The following TTC39C variants were observed in gnomAD, a reference collection of about 807,000 sequenced individuals.
The protein encoded by TTC39C is tetratricopeptide repeat protein 39C.
In TTC39C, 33 loss-of-function variants were observed where a neutral mutation model predicts 76.3. The observed-to-expected ratio is 0.43, with a 90% confidence interval of 0.33 to 0.58. TTC39C has a LOEUF of 0.58. Among genes scored for constraint, TTC39C ranks in the 20% least tolerant of loss-of-function variants. The pLI is 0.04. For missense variants in TTC39C, 595 were observed against 701.4 expected (o/e 0.85, Z 1.71); for synonymous variants, 254 against 260.6 (o/e 0.97, Z 0.24).
At chr18:24,060,281 G>A (rs963179621) in intron 1 of TTC39C, among the ~76,000 whole-genome samples, 2 of 150,304 alleles carry the variant, frequency 1.3e-5, no homozygotes, top group East Asian at 3.9e-4. Context: ...GGTGTGAGAC[G>A]GTACCTTATT....
chr18:24,038,529 C>T (rs577006451), intron 1 of TTC39C, among the ~76,000 whole-genome samples: 4 of 152,226 alleles, frequency 2.6e-5, no homozygotes, highest in South Asian at 4.2e-4. Context: ...GCAATCCGTC[C>T]GCCTTGGCCT....
At chr18:24,060,172 A>G (rs1001330057) in intron 1 of TTC39C, among the ~76,000 whole-genome samples, 15 of 152,120 alleles carry the variant, frequency 9.9e-5, no homozygotes, top group African/African-American at 3.6e-4. Flanking sequence ...TGGTTGAACT[A>G]ATTCATACTC....
Position 24,118,161 on chromosome 18 carries a change from C to T in TTC39C, c.1115C>T (p.Ala372Val). 2 of 1,613,936 alleles carry T rather than the reference C, an allele frequency of 1.2e-6. No homozygotes were observed. The highest frequency in any genetic ancestry group is 1.7e-6 in the Non-Finnish European group (2 of 1,179,924). The change falls in exon 8 of 14, where the codon GCA becomes GTA. Residue 372 changes from alanine (A) to valine (V), a missense_variant. Coordinates refer to ENST00000317571, the MANE Select transcript of TTC39C (RefSeq NM_001135993.2). ...ATGATAGAGCTCAATTTCAAGGATG[C>T]ATTTGATTCCTTTGAGAGGCTAAAA... Reference protein sequence around the residue: ...CSMIELNFKDAFDSFERLKNE... With the variant: ...CSMIELNFKDVFDSFERLKNE...
At chr18:24,127,354 C>T (rs547296527) in intron 10 of TTC39C, among the ~76,000 whole-genome samples, 1 of 152,240 alleles carries the variant, frequency 6.6e-6, no homozygotes, top group South Asian at 2.1e-4. Context: ...TCGTGCCCTC[C>T]CAGTTTTGTG....
At chr18:24,127,350 C>T (rs927066518) in intron 10 of TTC39C, among the ~76,000 whole-genome samples, 2 of 152,122 alleles carry the variant, frequency 1.3e-5, no homozygotes, top group African/African-American at 2.4e-5. Context: ...TGCATCGTGC[C>T]CTCCCAGTTT....
At chr18:24,051,492 C>T (rs1322142519) in intron 1 of TTC39C, among the ~76,000 whole-genome samples, 1 of 152,184 alleles carries the variant, frequency 6.6e-6, no homozygotes, top group Non-Finnish European at 1.5e-5. Flanking sequence ...TGGCTACAGA[C>T]TCCCATACTC....
chr18:23,997,888 A>G (rs1324029004), intron 1 of TTC39C, among the ~76,000 whole-genome samples: 1 of 151,998 alleles, frequency 6.6e-6, no homozygotes, highest in African/African-American at 2.4e-5. Flanking sequence ...AAGAAAAAAA[A>G]AAAAAGAAAA....
intron 1 of TTC39C, among the ~76,000 whole-genome samples, chr18:24,030,254 A>G (rs939533370): frequency 1.3e-5 from 2 of 152,184 alleles, no homozygotes; most frequent in African/African-American, 2.4e-5. Context: ...TGAATTGCCT[A>G]TTTATTTGTA....
intron 1 of TTC39C, among the ~76,000 whole-genome samples, chr18:24,004,992 C>T (rs558555410): frequency 1.3e-3 from 196 of 152,306 alleles, no homozygotes; most frequent in Middle Eastern, 3.4e-3. Flanking sequence ...AATGTATTTT[C>T]ATGCCTTCAA....
upstream of TTC39C, among the ~76,000 whole-genome samples, chr18:24,011,231 C>G (rs2083391624): frequency 6.6e-6 from 1 of 152,198 alleles, no homozygotes; most frequent in East Asian, 1.9e-4. Context: ...GGAGCAGACC[C>G]TGACTGGCAT....
intron 1 of TTC39C, among the ~76,000 whole-genome samples, chr18:23,999,769 G>T (rs888839298): frequency 1.3e-5 from 2 of 152,250 alleles, no homozygotes; most frequent in African/African-American, 4.8e-5. Flanking sequence ...TCCCCACTGA[G>T]CAAGCAGCCA....
At chr18:24,102,875 G>A (rs1191606448) in intron 6 of TTC39C, among the ~76,000 whole-genome samples, 2 of 152,212 alleles carry the variant, frequency 1.3e-5, no homozygotes, top group Admixed American at 1.3e-4. Context: ...GGGAGGCCAA[G>A]GTGGGAGGAC....
At chr18:24,005,671 C>T (rs1309086012) in intron 1 of TTC39C, among the ~76,000 whole-genome samples, 2 of 150,484 alleles carry the variant, frequency 1.3e-5, no homozygotes, top group Non-Finnish European at 1.5e-5. Context: ...CAAAGCGAGA[C>T]CCTGTCTCTA....
At chr18:23,993,131 T>C (rs2145618088) in intron 1 of TTC39C, 1 of 152,340 alleles carries the variant, frequency 6.6e-6, no homozygotes, top group South Asian at 2.1e-4. Context: ...ACTGGCTAAG[T>C]TCATCTTTGA....
At chr18:24,107,852 C>A (rs543965007) in intron 6 of TTC39C, among the ~76,000 whole-genome samples, 4 of 151,520 alleles carry the variant, frequency 2.6e-5, no homozygotes. Flanking sequence ...CTCGACCTCC[C>A]GGCTCAAGCA....
At chr18:24,039,654 G>A (rs890848581) in intron 1 of TTC39C, among the ~76,000 whole-genome samples, 5 of 152,214 alleles carry the variant, frequency 3.3e-5, no homozygotes, top group Admixed American at 1.3e-4. Flanking sequence ...TTTAAGCAGA[G>A]GAGTGACATG....
intron 1 of TTC39C, among the ~76,000 whole-genome samples, chr18:24,027,939 C>T (rs991538195): frequency 1.3e-5 from 2 of 152,114 alleles, no homozygotes; most frequent in Non-Finnish European, 2.9e-5. Flanking sequence ...AATTGGGCTA[C>T]TGACTTTTTT....
rs1011335728 is a variant in TTC39C, at chr18:24,058,503, A to T, written c.168-5637A>T. Among the ~76,000 whole-genome samples the T allele has an allele frequency of 2.6e-5, 4 of 152,100 alleles. 1 individual carries two copies. The South Asian group carries it at 8.3e-4, about 32-fold the overall frequency. ...AACCCCATCTCTACTAAAAATACAA[A>T]AATTAGCCGGGTGTGGTGGCATGAA... On this transcript the variant is annotated intron_variant, in intron 1 of 13. Coordinates refer to ENST00000317571, the MANE Select transcript of TTC39C (RefSeq NM_001135993.2).
upstream of TTC39C, among the ~76,000 whole-genome samples, chr18:24,009,936 A>C (rs148241590): frequency 2.1e-3 from 319 of 152,348 alleles, no homozygotes; most frequent in African/African-American, 6.8e-3. Context: ...TCTCAGAGAC[A>C]CACATCCAAC....
Sources: gnomAD v4.1 joint callset for allele counts (sites outside exome capture counted in the v4.1 genomes callset) on GRCh38, gnomAD v4.1.1 for gene constraint, MANE v1.5 for transcripts, NCBI Gene and HGNC (gene_info 2026-07-23, HGNC 2026-07-21) for gene names.